Variants in PIP5K1A observed in about 807,000 individuals in gnomAD.
PIP5K1A encodes the protein phosphatidylinositol-4-phosphate 5-kinase type 1 alpha.
In PIP5K1A, 46 loss-of-function variants were observed where a neutral mutation model predicts 72.9. The ratio of observed to expected loss-of-function variants is 0.63; its 90% CI spans 0.50 to 0.81. The LOEUF (loss-of-function observed/expected upper bound fraction) is 0.81, where lower values mean the gene tolerates loss of function less well. Ranked by LOEUF, PIP5K1A falls within the 30% of genes least tolerant of loss-of-function variation. The pLI is 0.00. For synonymous variants in PIP5K1A, 228 were observed against 255.1 expected, an observed-to-expected ratio of 0.89 and a Z score of 1.01; for missense variants, 458 against 706.1, an observed-to-expected ratio of 0.65 and a Z score of 3.98.
intron 1 of PIP5K1A, among the ~76,000 whole-genome samples, chr1:151,219,773 G>A (rs587639343): frequency 2.0e-5 from 3 of 151,952 alleles, no homozygotes; most frequent in African/African-American, 7.2e-5. Flanking sequence ...GGAGGCTGAG[G>A]TGGAAGGATC....
intron 1 of PIP5K1A, among the ~76,000 whole-genome samples, chr1:151,210,115 C>A (rs1299421905): frequency 6.6e-6 from 1 of 152,006 alleles, no homozygotes; most frequent in South Asian, 2.1e-4. Context: ...AACTCCTGAC[C>A]TCAGGTGATC....
In PIP5K1A at chr1:151,236,788, G is replaced by C. The variant is rs139036621; in HGVS notation, c.1145+25G>C. On this transcript the variant is annotated intron_variant, in intron 9 of 15. Coordinates refer to ENST00000368888, the MANE Select transcript of PIP5K1A (RefSeq NM_001135638.2). Reference sequence around the variant, plus strand: ...AGTAAGTGGGCTCAGGGCCACTAGGGGGGAGAACATAGGCCCACAGCACTT... The same window carrying C: ...AGTAAGTGGGCTCAGGGCCACTAGGCGGGAGAACATAGGCCCACAGCACTT... 1,518 of 1,524,188 alleles carry C rather than the reference G, an allele frequency of 1.0e-3. 18 individuals carry two copies. In the African/African-American group the frequency reaches 0.017, roughly 17 times the overall value. 94.4% of individuals were successfully genotyped at this position (1,524,188 alleles called of 1,614,324 possible).
At chr1:151,220,578 C>T (rs1688278321) in intron 1 of PIP5K1A, among the ~76,000 whole-genome samples, 3 of 152,138 alleles carry the variant, frequency 2.0e-5, no homozygotes, top group Admixed American at 2.0e-4. Context: ...ACCGATTCTC[C>T]TGCCTCAGCC....
At chr1:151,239,417 C>G (rs1279421858) in intron 11 of PIP5K1A, among the ~76,000 whole-genome samples, 1 of 151,568 alleles carries the variant, frequency 6.6e-6, no homozygotes, top group East Asian at 1.9e-4. Context: ...GGACCACAGG[C>G]GCGTGCCACC....
chr1:151,234,570 G>A (rs1254325112), intron 8 of PIP5K1A, 74 bp downstream of exon 8: 22 of 1,210,536 alleles, frequency 1.8e-5, no homozygotes, highest in Admixed American at 6.8e-5. Context: ...TTAAGTTTGT[G>A]GGAGATGGAA....
Position 151,199,057 on chromosome 1 carries a change from G to A in PIP5K1A, c.61G>A (p.Val21Ile), listed in dbSNP as rs745417143. Reference protein sequence around the residue: ...SVGFSSFDPAVPSCTLSSAAS... With the variant: ...SVGFSSFDPAIPSCTLSSAAS... The stretch of plus-strand genomic sequence containing the variant: ...CGGTTTTTCATCCTTTGATCCCGCG[G>A]TCCCTTCCTGTACCTTGTCCTCAGG... Residue 21 changes from valine (V) to isoleucine (I), a missense_variant, in exon 1 of 16, where the codon GTC becomes ATC. Val to Ile is a conservative substitution (Grantham distance 29). Transcript: ENST00000368888. 1 of 1,614,184 alleles carries A rather than the reference G, an allele frequency of 6.2e-7. No individual in the cohort carries two copies. Among genetic ancestry groups the A allele is most frequent in the Non-Finnish European group, 8.5e-7 (1 of 1,180,044 alleles).
At chr1:151,232,389 C>CT (rs1479442932) in intron 6 of PIP5K1A, 24 bp downstream of exon 6, 2 of 1,542,038 alleles carry the variant, frequency 1.3e-6, no homozygotes, top group African/African-American at 2.7e-5. Flanking sequence ...TATCAGGACA[C>CT]TGTGACTCCA....
chr1:151,209,846 A>G (rs983351909), intron 1 of PIP5K1A, among the ~76,000 whole-genome samples: 1 of 151,750 alleles, frequency 6.6e-6, no homozygotes, highest in Non-Finnish European at 1.5e-5. Flanking sequence ...TGCTGGAGTT[A>G]CAGGCGTGAG....
intron 7 of PIP5K1A, chr1:151,233,640 A>T (rs759846660): frequency 6.6e-6 from 1 of 152,274 alleles, no homozygotes. Flanking sequence ...AGGTCTTGCT[A>T]TGTTACCCAG....
rs764789691 is a variant in PIP5K1A at position 151,242,242 on chromosome 1, G to A, written c.1483G>A (p.Val495Met). 6.2e-7 allele frequency: 1 copy of A among 1,614,198 alleles called. No individual in the cohort carries two copies. The highest frequency in any genetic ancestry group is 1.1e-5 in the South Asian group (1 of 91,086). ...PSVSGEHKAQVTTKAEVEPGV... is the reference protein window; with the variant it reads ...PSVSGEHKAQMTTKAEVEPGV... ...GGTCTCTGGGGAACACAAGGCACAA[G>A]TGACAACAAAGGCAGAAGTGGAGCC... Residue 495 changes from valine (V) to methionine (M), a missense_variant, in exon 13 of 16, where the codon GTG becomes ATG. Physicochemically the swap from Val to Met is conservative, Grantham distance 21 (BLOSUM62 1). Transcript: ENST00000368888.
At chr1:151,219,277 A>G (rs587705327) in intron 1 of PIP5K1A, among the ~76,000 whole-genome samples, 38 of 151,514 alleles carry the variant, frequency 2.5e-4, no homozygotes, top group Admixed American at 1.4e-3. Flanking sequence ...GCTACTCGGG[A>G]GGCTGAGACA....
rs982652328 is a variant in PIP5K1A, at chr1:151,219,406, G to A, written c.86-4839G>A. ...CAAAAAAAAAAAAAAAAAAGAAGAGGGCTGGCCCGGTGGCTCATGCCTATA... is the reference window on the plus strand; with the variant it reads ...CAAAAAAAAAAAAAAAAAAGAAGAGAGCTGGCCCGGTGGCTCATGCCTATA... On this transcript the variant is annotated intron_variant, in intron 1 of 15. Coordinates refer to ENST00000368888, the MANE Select transcript of PIP5K1A (RefSeq NM_001135638.2). Among the ~76,000 whole-genome samples, 4 of 151,512 alleles carry A rather than the reference G, an allele frequency of 2.6e-5. No individual in the cohort carries two copies. The East Asian group carries it at 7.8e-4, about 29-fold the overall frequency.
At chr1:151,204,585 T>G (rs1193302949) in intron 1 of PIP5K1A, among the ~76,000 whole-genome samples, 1 of 152,244 alleles carries the variant, frequency 6.6e-6, no homozygotes, top group Non-Finnish European at 1.5e-5. Flanking sequence ...GTTTAGATCA[T>G]GTTGAATGAT....
chr1:151,223,403 TG>T (rs1208906799), intron 1 of PIP5K1A, among the ~76,000 whole-genome samples: 1 of 150,530 alleles, frequency 6.6e-6, no homozygotes, highest in Non-Finnish European at 1.5e-5. Context: ...CCCAGCACTT[TG>T]GGAGGCCGAG....
intron 1 of PIP5K1A, among the ~76,000 whole-genome samples, chr1:151,202,375 A>G (rs1310582438): frequency 2.6e-5 from 4 of 152,224 alleles, no homozygotes; most frequent in Admixed American, 1.3e-4. Flanking sequence ...GCCTTTAACA[A>G]TTCAGGAAAT....
intron 1 of PIP5K1A, chr1:151,224,019 A>C (rs1162986379): frequency 3.5e-6 from 2 of 567,960 alleles, no homozygotes; most frequent in Non-Finnish European, 6.2e-6. Context: ...TATTTGAATA[A>C]GAAAGGGGTC....
At chr1:151,225,315 A>AG (rs1284277824) in intron 3 of PIP5K1A, among the ~76,000 whole-genome samples, 1 of 152,174 alleles carries the variant, frequency 6.6e-6, no homozygotes, top group Non-Finnish European at 1.5e-5. Flanking sequence ...CTCAAAAAAA[A>AG]ACTGTGATAC....
intron 1 of PIP5K1A, among the ~76,000 whole-genome samples, chr1:151,216,418 G>C (rs961945326): frequency 2.6e-5 from 4 of 151,480 alleles, no homozygotes; most frequent in Non-Finnish European, 5.9e-5. Context: ...TAAGAAGGCT[G>C]TGGATGCCTT....
upstream of PIP5K1A, chr1:151,197,874 T>A (rs1572105057): frequency 1.2e-5 from 4 of 343,674 alleles, no homozygotes; most frequent in Admixed American, 8.4e-5. Flanking sequence ...AAGACTACAA[T>A]GGGAGAAATT....
Sources: allele counts gnomAD v4.1 joint callset (sites outside exome capture counted in the v4.1 genomes callset), GRCh38; gene constraint gnomAD v4.1.1; transcripts MANE v1.5; gene names NCBI Gene and HGNC (gene_info 2026-07-23, HGNC 2026-07-21).